The following APBA1 variants were observed in gnomAD, a reference collection of about 807,000 sequenced individuals.
APBA1 encodes amyloid-beta A4 precursor protein-binding family A member 1.
APBA1 carries 55 observed loss-of-function variants against 86.6 expected under a neutral mutation model. That is an observed-to-expected ratio of 0.64 (90% CI 0.51 to 0.80). APBA1 has a LOEUF of 0.80. APBA1 is among the 30% of genes least tolerant of loss of function. The pLI is 0.00. For synonymous variants in APBA1, 511 were observed against 493.9 expected (o/e 1.03, Z -0.46); for missense variants, 1,090 against 1,183.0 (o/e 0.92, Z 1.15).
intron 1 of APBA1, among the ~76,000 whole-genome samples, chr9:69,656,931 C>T (rs963920156): frequency 7.9e-5 from 12 of 151,544 alleles, no homozygotes; most frequent in South Asian, 2.1e-4. Flanking sequence ...CTGCAAGCTC[C>T]GCTTCCCGGG....
intron 1 of APBA1, among the ~76,000 whole-genome samples, chr9:69,561,982 A>G (rs1006453493): frequency 1.3e-5 from 2 of 151,840 alleles, no homozygotes; most frequent in African/African-American, 4.8e-5. Flanking sequence ...CATTTCTACT[A>G]TTTGATTGCT....
chr9:69,530,240 A>G (rs1836403786), intron 1 of APBA1, among the ~76,000 whole-genome samples: 1 of 151,714 alleles, frequency 6.6e-6, no homozygotes, highest in Non-Finnish European at 1.5e-5. Flanking sequence ...TCACAATAGC[A>G]AAGTTATGGA....
At chr9:69,662,021 AACACACACACACACACACAC>A (rs3069250) in intron 1 of APBA1, among the ~76,000 whole-genome samples, 3 of 146,648 alleles carry the variant, frequency 2.0e-5, no homozygotes, top group Admixed American at 1.4e-4. Context: ...GACAAACAGT[AACACACACACACACACACAC>A]ACACACACAC....
intron 1 of APBA1, among the ~76,000 whole-genome samples, chr9:69,530,369 T>C (rs1836412071): frequency 6.7e-6 from 1 of 149,106 alleles, no homozygotes; most frequent in Non-Finnish European, 1.5e-5. Flanking sequence ...TGCAACACTA[T>C]GGAATACTAT....
chr9:69,489,658 G>A (rs567577485), intron 2 of APBA1, among the ~76,000 whole-genome samples: 1 of 152,084 alleles, frequency 6.6e-6, no homozygotes, highest in East Asian at 1.9e-4. Context: ...TCAAAAAGTG[G>A]GCGAAGGACA....
At chr9:69,497,655 A>G (rs1218817226) in intron 2 of APBA1, among the ~76,000 whole-genome samples, 3 of 152,142 alleles carry the variant, frequency 2.0e-5, no homozygotes, top group African/African-American at 4.8e-5. Context: ...CCTTCTGAGC[A>G]GTCCACCATG....
intron 1 of APBA1, among the ~76,000 whole-genome samples, chr9:69,661,317 G>A (rs550978289): frequency 8.5e-5 from 13 of 152,228 alleles, no homozygotes; most frequent in African/African-American, 2.6e-4. Context: ...AGTCACTTTC[G>A]TTCAATGTCA....
At chr9:69,569,443 G>A (rs1350193110) in intron 1 of APBA1, among the ~76,000 whole-genome samples, 3 of 82,612 alleles carry the variant, frequency 3.6e-5, no homozygotes, top group Non-Finnish European at 7.0e-5. Flanking sequence ...TGGTTGTCAC[G>A]TGTGAGTGTG....
intron 1 of APBA1, among the ~76,000 whole-genome samples, chr9:69,528,386 A>G (rs1479112907): frequency 6.6e-6 from 1 of 152,114 alleles, no homozygotes; most frequent in African/African-American, 2.4e-5. Context: ...TTAACAATCC[A>G]ATCATTCATT....
At chr9:69,539,596 G>T (rs943483722) in intron 1 of APBA1, among the ~76,000 whole-genome samples, 7 of 152,168 alleles carry the variant, frequency 4.6e-5, no homozygotes, top group Non-Finnish European at 1.0e-4. Context: ...CAAAGTGTAA[G>T]TTAGATCACG....
intron 1 of APBA1, among the ~76,000 whole-genome samples, chr9:69,564,018 C>T (rs540718583): frequency 6.6e-6 from 1 of 152,268 alleles, no homozygotes; most frequent in South Asian, 2.1e-4. Context: ...CCAGTGACCA[C>T]CATAATTACC....
chr9:69,575,481 A>T (rs1821775615), intron 1 of APBA1, among the ~76,000 whole-genome samples: 1 of 152,188 alleles, frequency 6.6e-6, no homozygotes, highest in Admixed American at 6.5e-5. Context: ...AGTAACCAAA[A>T]CAGCATGGTA....
chr9:69,523,030 G>C (rs953413472), intron 1 of APBA1, among the ~76,000 whole-genome samples: 2 of 152,124 alleles, frequency 1.3e-5, no homozygotes, highest in African/African-American at 4.8e-5. Flanking sequence ...TGGCTTTCTG[G>C]TCTATGGTTC....
At chr9:69,617,584 A>G (rs1202896358) in intron 1 of APBA1, among the ~76,000 whole-genome samples, 1 of 152,086 alleles carries the variant, frequency 6.6e-6, no homozygotes, top group Admixed American at 6.6e-5. Flanking sequence ...CCAGATCATG[A>G]TACAGATTTG....
intron 1 of APBA1, among the ~76,000 whole-genome samples, chr9:69,659,175 G>A (rs1823702835): frequency 6.6e-6 from 1 of 152,106 alleles, no homozygotes; most frequent in South Asian, 2.1e-4. Flanking sequence ...CAGCTTCAGT[G>A]TCACAGTCCT....
intron 1 of APBA1, among the ~76,000 whole-genome samples, chr9:69,529,029 T>A (rs1836385284): frequency 6.6e-6 from 1 of 152,070 alleles, no homozygotes; most frequent in African/African-American, 2.4e-5. Context: ...TTCTCTCAAG[T>A]TTTCTGTAGC....
intron 1 of APBA1, among the ~76,000 whole-genome samples, chr9:69,593,883 ATGAC>A (rs1005748271): frequency 6.6e-6 from 1 of 152,234 alleles, no homozygotes; most frequent in African/African-American, 2.4e-5. Flanking sequence ...GCTCTCTTAA[ATGAC>A]TGCCCTTAAA....
Position 69,517,284 on chromosome 9 carries a change from A to G in APBA1, c.-69-5T>C, listed in dbSNP as rs1255821422. The G allele has an allele frequency of 1.7e-4, 244 of 1,397,574 alleles. 4 individuals carry two copies. In the East Asian group the frequency reaches 6.5e-3, roughly 37 times the overall value. 86.6% of individuals were successfully genotyped at this position (1,397,574 alleles called of 1,614,324 possible). A position where few individuals can be genotyped will look rare whatever the true frequency, so the allele number is the denominator to read the frequency against. On this transcript the variant is annotated splice_polypyrimidine_tract_variant and splice_region_variant and intron_variant, in intron 1 of 12. Coordinates refer to ENST00000265381, the MANE Select transcript of APBA1 (RefSeq NM_001163.4). ...CTCTCATTTTGCTCCACTGGGCTGG[A>G]AAAACAAGAAGGGGAGAGGCTGTCA...
intron 10 of APBA1, among the ~76,000 whole-genome samples, chr9:69,448,282 G>A (rs1834945570): frequency 6.6e-6 from 1 of 152,230 alleles, no homozygotes; most frequent in South Asian, 2.1e-4. Context: ...TAATTATCCT[G>A]CACATGCACA....
Sources: gnomAD v4.1 joint callset for allele counts (sites outside exome capture counted in the v4.1 genomes callset) on GRCh38, gnomAD v4.1.1 for gene constraint, MANE v1.5 for transcripts, NCBI Gene and HGNC (gene_info 2026-07-23, HGNC 2026-07-21) for gene names.